Variants in ZNF69 observed in about 807,000 individuals in gnomAD.
The protein encoded by ZNF69 is ZNF3.
Under a neutral mutation model 50.9 loss-of-function variants are expected in ZNF69, and 47 were observed. The observed-to-expected ratio is 0.92, with a 90% CI of 0.73 to 1.18. The LOEUF (loss-of-function observed/expected upper bound fraction) is 1.18, where lower values mean the gene tolerates loss of function less well. Ranked by LOEUF, ZNF69 falls within the 50% of genes most tolerant of loss-of-function variation. The pLI, the probability that ZNF69 is intolerant of heterozygous loss-of-function variation, is 0.00. For missense variants in ZNF69, 717 were observed against 675.1 expected, an observed-to-expected ratio of 1.06 and a Z score of -0.69; for synonymous variants, 216 against 223.1, an observed-to-expected ratio of 0.97 and a Z score of 0.29.
At chr19:11,914,251 C>G (rs563040721) in exon 5 of ZNF69, 1 of 151,394 alleles carries the variant, frequency 6.6e-6, no homozygotes. Context: ...AGGAGGCAGA[C>G]GTTGCAGTGA....
At chr19:11,960,935 A>G in the ZNF69 span, among the ~76,000 whole-genome samples, 1 of 152,132 alleles carries the variant, frequency 6.6e-6, no homozygotes, top group Non-Finnish European at 1.5e-5. Flanking sequence ...AGCCTCTTTT[A>G]TAGACTTCCA....
chr19:11,895,797 G>T (rs1419208324), intron 1 of ZNF69, among the ~76,000 whole-genome samples: 7 of 152,162 alleles, frequency 4.6e-5, no homozygotes. Flanking sequence ...TATTGTATGT[G>T]GAGATGATGG....
intron 1 of ZNF69, among the ~76,000 whole-genome samples, chr19:11,897,081 G>T (rs1972137698): frequency 6.6e-6 from 1 of 152,192 alleles, no homozygotes; most frequent in Non-Finnish European, 1.5e-5. Context: ...GGGCATGGTG[G>T]CTCATGCCTG....
chr19:11,906,042 C>G lies in ZNF69; in HGVS notation c.1645C>G (p.Leu549Val), dbSNP rs1972366877. The G allele has an allele frequency of 6.2e-7, 1 of 1,613,306 alleles. No individual in the cohort carries two copies. The highest frequency in any genetic ancestry group is 1.3e-5 in the African/African-American group (1 of 74,824). ...GAAAGCCTTCAGAGCTGCCTCAGTC[C>G]TTCGAATGCATGGTAGGACTCACCC... Reference protein sequence around the residue: ...CGKAFRAASVLRMHGRTHPED... With the variant: ...CGKAFRAASVVRMHGRTHPED... The change falls in exon 4 of 4, where the codon CTT (leucine) becomes GTT (valine). Residue 549 changes from leucine to valine, a missense_variant. Transcript: ENST00000429654.
intron 4 of ZNF69, among the ~76,000 whole-genome samples, chr19:11,911,985 T>C (rs1972464934): frequency 6.6e-6 from 1 of 151,858 alleles, no homozygotes; most frequent in South Asian, 2.1e-4. Context: ...TTCTTTCACT[T>C]CCTTTCCATA....
chr19:11,896,309 A>G (rs1326641985), intron 1 of ZNF69, among the ~76,000 whole-genome samples: 1 of 148,844 alleles, frequency 6.7e-6, no homozygotes, highest in Non-Finnish European at 1.5e-5. Context: ...TGATAATACC[A>G]TTTTCTCTTA....
chr19:11,955,786 C>T, the ZNF69 span, among the ~76,000 whole-genome samples: 31 of 152,216 alleles, frequency 2.0e-4, no homozygotes, highest in East Asian at 4.0e-3. Context: ...GAACTTGTAA[C>T]GGTGGATAAC....
At chr19:11,937,810 G>A in the ZNF69 span, among the ~76,000 whole-genome samples, 2 of 151,854 alleles carry the variant, frequency 1.3e-5, no homozygotes, top group Non-Finnish European at 2.9e-5. Context: ...TACGTTCCTT[G>A]TGCCTCTCTG....
At chr19:11,890,065 GAA>G (rs1977046532) in intron 1 of ZNF69, among the ~76,000 whole-genome samples, 1 of 152,202 alleles carries the variant, frequency 6.6e-6, no homozygotes, top group Non-Finnish European at 1.5e-5. Flanking sequence ...AGAATAGAAT[GAA>G]TGGTCGGCTT....
At chr19:11,892,094 A>C (rs1977104809) in intron 1 of ZNF69, among the ~76,000 whole-genome samples, 1 of 150,794 alleles carries the variant, frequency 6.6e-6, no homozygotes, top group South Asian at 2.1e-4. Flanking sequence ...TCAGCCTCCC[A>C]AGTAGCTGAG....
chr19:11,904,103 A>G (rs757003979), intron 3 of ZNF69, 138 bp downstream of exon 3: 340 of 1,176,246 alleles, frequency 2.9e-4, no homozygotes, highest in Non-Finnish European at 3.5e-4. Flanking sequence ...AAACATATAT[A>G]TAAATGTGAC....
chr19:11,965,449 T>C, the ZNF69 span, among the ~76,000 whole-genome samples: 2 of 152,168 alleles, frequency 1.3e-5, no homozygotes, highest in Admixed American at 1.3e-4. Flanking sequence ...CCCGGAGCCC[T>C]CTCTGGGCAG....
chr19:11,975,614 CCT>C, the ZNF69 span, among the ~76,000 whole-genome samples: 19 of 150,836 alleles, frequency 1.3e-4, no homozygotes, highest in South Asian at 1.1e-3. Context: ...GATCTCCTGA[CCT>C]CGTGATCCGC....
At chr19:11,910,623 G>A (rs1016159485), downstream of ZNF69, among the ~76,000 whole-genome samples, 9 of 152,190 alleles carry the variant, frequency 5.9e-5, no homozygotes, top group Non-Finnish European at 1.3e-4. Flanking sequence ...GCCGTATGTA[G>A]AAAGCTGAAA....
At chr19:11,969,487 T>A in the ZNF69 span, among the ~76,000 whole-genome samples, 8 of 152,212 alleles carry the variant, frequency 5.3e-5, no homozygotes, top group Non-Finnish European at 1.0e-4. Flanking sequence ...TGTGCCTGAT[T>A]AAGCATAAAT....
At chr19:11,910,419 C>T (rs184220569), downstream of ZNF69, among the ~76,000 whole-genome samples, 6 of 152,304 alleles carry the variant, frequency 3.9e-5, no homozygotes, top group East Asian at 1.2e-3. Context: ...TGACTTCAAA[C>T]TATACTACAA....
At chr19:11,919,506 C>T in the ZNF69 span, among the ~76,000 whole-genome samples, 4 of 152,058 alleles carry the variant, frequency 2.6e-5, no homozygotes, top group Non-Finnish European at 4.4e-5. Flanking sequence ...CTCCTGTAAT[C>T]CCAGTATTTG....
At chr19:11,900,153 C>T (rs1269023575) in intron 1 of ZNF69, among the ~76,000 whole-genome samples, 1 of 151,976 alleles carries the variant, frequency 6.6e-6, no homozygotes, top group Non-Finnish European at 1.5e-5. Flanking sequence ...AGGGTTTCAC[C>T]ATGTTGTCCA....
chr19:11,948,578 A>G, the ZNF69 span: 1 of 1,606,266 alleles, frequency 6.2e-7, no homozygotes, highest in Non-Finnish European at 8.5e-7. Context: ...AGAACACAAG[A>G]AAGGGATCAC....
Sources: allele counts gnomAD v4.1 joint callset (sites outside exome capture counted in the v4.1 genomes callset), GRCh38; gene constraint gnomAD v4.1.1; transcripts MANE v1.5; gene names NCBI Gene and HGNC (gene_info 2026-07-23, HGNC 2026-07-21).